Variants in SPAG16 observed in about 807,000 individuals in gnomAD.
SPAG16 encodes the protein sperm associated antigen 16, also known as sperm-associated antigen 16 protein.
In SPAG16, 86 loss-of-function variants were observed where a neutral mutation model predicts 80.4. The ratio of observed to expected loss-of-function variants is 1.07; its 90% confidence interval spans 0.90 to 1.28. SPAG16 has a LOEUF of 1.28. Among genes scored for constraint, SPAG16 ranks in the 50% most tolerant of loss-of-function variants. The pLI is 0.00. For missense variants in SPAG16, 870 were observed against 765.3 expected, an observed-to-expected ratio of 1.14 and a Z score of -1.61; for synonymous variants, 294 against 265.9, an observed-to-expected ratio of 1.11 and a Z score of -1.03.
chr2:213,435,072 G>T (rs2125502340), intron 9 of SPAG16, among the ~76,000 whole-genome samples: 1 of 152,198 alleles, frequency 6.6e-6, no homozygotes. Flanking sequence ...GTGTCCATCA[G>T]TGATGAATAA....
intron 15 of SPAG16, among the ~76,000 whole-genome samples, chr2:214,366,414 G>A (rs1474062872): frequency 6.6e-6 from 1 of 152,130 alleles, no homozygotes; most frequent in East Asian, 1.9e-4. Flanking sequence ...ACCTACTTTT[G>A]TAAAGCATTA....
intron 15 of SPAG16, among the ~76,000 whole-genome samples, chr2:214,178,111 T>C (rs1057433036): frequency 6.8e-6 from 1 of 147,626 alleles, no homozygotes; most frequent in East Asian, 2.1e-4. Flanking sequence ...GAAATATAGG[T>C]ACTTACTTTT....
intron 9 of SPAG16, among the ~76,000 whole-genome samples, chr2:213,398,907 G>A (rs1224127334): frequency 2.6e-5 from 4 of 152,104 alleles, no homozygotes; most frequent in African/African-American, 9.7e-5. Flanking sequence ...AAATTTGAAG[G>A]AATGCATAAA....
chr2:214,166,981 C>T (rs2056681551), intron 15 of SPAG16, among the ~76,000 whole-genome samples: 3 of 152,254 alleles, frequency 2.0e-5, no homozygotes, highest in Admixed American at 1.3e-4. Flanking sequence ...CTAAGTCTTA[C>T]CCATCTCCTC....
At chr2:213,447,518 C>T (rs2071403447) in intron 9 of SPAG16, among the ~76,000 whole-genome samples, 1 of 152,194 alleles carries the variant, frequency 6.6e-6, no homozygotes, top group Non-Finnish European at 1.5e-5. Context: ...CTCCAATTGG[C>T]ATTATGATAA....
chr2:214,359,808 T>C (rs993721206), intron 15 of SPAG16, among the ~76,000 whole-genome samples: 2 of 151,884 alleles, frequency 1.3e-5, no homozygotes, highest in African/African-American at 4.8e-5. Context: ...ATTTTTGAGA[T>C]AAATTATTAA....
chr2:214,316,023 G>A (rs1325096107), intron 15 of SPAG16, among the ~76,000 whole-genome samples: 3 of 152,108 alleles, frequency 2.0e-5, no homozygotes, highest in Non-Finnish European at 4.4e-5. Flanking sequence ...TTTTGTTCAT[G>A]AAGGATTAAT....
At chr2:213,946,208 G>A (rs2014002) in intron 12 of SPAG16, among the ~76,000 whole-genome samples, 49,778 of 151,962 alleles carry the variant, frequency 0.33, 8,906 homozygotes, top group South Asian at 0.47. Flanking sequence ...TCTGCCTCCC[G>A]GGTTCAAGCA....
At chr2:213,813,324 T>C (rs1049018964) in intron 10 of SPAG16, among the ~76,000 whole-genome samples, 3 of 152,008 alleles carry the variant, frequency 2.0e-5, no homozygotes, top group Non-Finnish European at 4.4e-5. Context: ...AAAGGTCAAA[T>C]GTAGGCTAGT....
At chr2:214,220,381 C>T (rs1469091374) in intron 15 of SPAG16, among the ~76,000 whole-genome samples, 1 of 152,064 alleles carries the variant, frequency 6.6e-6, no homozygotes, top group Non-Finnish European at 1.5e-5. Flanking sequence ...TTGAAGATTA[C>T]CAAGGTACTG....
At chr2:213,650,619 T>C (rs1574649401) in intron 10 of SPAG16, among the ~76,000 whole-genome samples, 1 of 152,214 alleles carries the variant, frequency 6.6e-6, no homozygotes, top group South Asian at 2.1e-4. Flanking sequence ...GAAAAAACTA[T>C]TGTAGTCTTA....
At chr2:214,108,476 CACA>C (rs200530814) in intron 14 of SPAG16, among the ~76,000 whole-genome samples, 26,994 of 110,358 alleles carry the variant, frequency 0.24, 2,903 homozygotes, top group Middle Eastern at 0.32. Context: ...CACACACACA[CACA>C]CCCCCACACA....
chr2:213,733,098 G>A (rs878926137), intron 10 of SPAG16, among the ~76,000 whole-genome samples: 1 of 152,036 alleles, frequency 6.6e-6, no homozygotes, highest in Non-Finnish European at 1.5e-5. Context: ...ATCTCATTGT[G>A]GTTTTGATTT....
chr2:213,927,419 C>A (rs1229044195), intron 11 of SPAG16, among the ~76,000 whole-genome samples: 1 of 152,084 alleles, frequency 6.6e-6, no homozygotes, highest in Non-Finnish European at 1.5e-5. Context: ...CATTCTTTTT[C>A]TCTCTCTTGA....
intron 15 of SPAG16, among the ~76,000 whole-genome samples, chr2:214,331,343 T>C (rs1696899096): frequency 6.6e-6 from 1 of 152,188 alleles, no homozygotes; most frequent in Non-Finnish European, 1.5e-5. Context: ...GGGTAATGAC[T>C]CCTCTGCTTT....
At chr2:213,342,191 CA>C (rs920359439) in intron 6 of SPAG16, among the ~76,000 whole-genome samples, 3 of 151,210 alleles carry the variant, frequency 2.0e-5, no homozygotes, top group African/African-American at 7.3e-5. Context: ...TTTGTGTATA[CA>C]ATTCTATATC....
At chr2:214,012,456 A>G (rs1482773084) in intron 12 of SPAG16, among the ~76,000 whole-genome samples, 1 of 150,556 alleles carries the variant, frequency 6.6e-6, no homozygotes, top group Non-Finnish European at 1.5e-5. Flanking sequence ...CCGCCACGTC[A>G]GGCTAATTTT....
At chr2:214,248,030 G>GA (rs1166998711) in intron 15 of SPAG16, among the ~76,000 whole-genome samples, 15 of 148,228 alleles carry the variant, frequency 1.0e-4, no homozygotes, top group Middle Eastern at 3.4e-3. Context: ...TGTCTCAAAA[G>GA]AAAAAAAAAT....
chr2:213,776,573 A>G (rs964686729), intron 10 of SPAG16, among the ~76,000 whole-genome samples: 2 of 152,238 alleles, frequency 1.3e-5, no homozygotes, highest in African/African-American at 2.4e-5. Context: ...AAAGGCCAGA[A>G]CAACAACAAA....
Sources: allele counts gnomAD v4.1 joint callset (sites outside exome capture counted in the v4.1 genomes callset), GRCh38; gene constraint gnomAD v4.1.1; transcripts MANE v1.5; gene names NCBI Gene and HGNC (gene_info 2026-07-23, HGNC 2026-07-21).